KITLG: variants seen among roughly 807,000 people sequenced by gnomAD.
The protein encoded by KITLG is KIT ligand, also known as c-Kit ligand.
A neutral mutation model predicts 34.1 loss-of-function variants in KITLG; 13 were observed. The observed-to-expected ratio is 0.38, with a 90% CI of 0.25 to 0.61. The LOEUF (loss-of-function observed/expected upper bound fraction) is 0.61. Ranked by LOEUF, KITLG falls within the 20% of genes least tolerant of loss-of-function variation. The probability of loss-of-function intolerance (pLI) is 0.60; values close to 1 mark genes in which losing one functional copy is unlikely to be tolerated. For missense variants in KITLG, 292 were observed against 318.9 expected (o/e 0.92, Z 0.64); for synonymous variants, 110 against 104.0 (o/e 1.06, Z -0.35).
intron 1 of KITLG, among the ~76,000 whole-genome samples, chr12:88,553,531 C>T (rs1870995415): frequency 6.6e-6 from 1 of 152,076 alleles, no homozygotes; most frequent in Non-Finnish European, 1.5e-5. Flanking sequence ...CTCTCTAGGT[C>T]AAGCTCATTG....
intron 3 of KITLG, among the ~76,000 whole-genome samples, chr12:88,529,725 A>C (rs999461388): frequency 6.6e-6 from 1 of 152,114 alleles, no homozygotes; most frequent in Non-Finnish European, 1.5e-5. Context: ...GACTCTGACC[A>C]CTCGCAAATA....
At chr12:88,543,554 GA>G (rs1870597270) in intron 2 of KITLG, among the ~76,000 whole-genome samples, 1 of 152,004 alleles carries the variant, frequency 6.6e-6, no homozygotes. Context: ...TTGCTATTGT[GA>G]ATAGAGGTAC....
At chr12:88,528,595 C>T (rs142983025) in intron 3 of KITLG, among the ~76,000 whole-genome samples, 2 of 152,274 alleles carry the variant, frequency 1.3e-5, no homozygotes, top group East Asian at 3.9e-4. Context: ...TGCAAATGTA[C>T]TGTGTTTAGG....
chr12:88,573,883 G>A (rs1871738792), intron 1 of KITLG, among the ~76,000 whole-genome samples: 1 of 152,128 alleles, frequency 6.6e-6, no homozygotes, highest in South Asian at 2.1e-4. Flanking sequence ...GTGAGCAACA[G>A]ACAAAGTTTG....
In KITLG at chr12:88,516,341, A is replaced by C; in HGVS notation, c.513T>G (p.Pro171=). ...SDCVVSSTLS[P]EKDSRVSVTK... The stretch of plus-strand genomic sequence containing the variant: ...AATGCTTACATGTCTTACCTTTCTC[A>C]GGACTTAATGTTGAAGAAACCACAC... Residue 171 remains proline (P), a synonymous_variant, in exon 5 of 10, where the codon CCT becomes CCG. Transcript: ENST00000644744. 1.9e-6 allele frequency: 3 copies of C among 1,610,458 alleles called. No individual in the cohort carries two copies. Among genetic ancestry groups the C allele is most frequent in the Non-Finnish European group, 1.7e-6 (2 of 1,177,386 alleles).
rs1869606200 is a variant in KITLG at position 88,520,187 on chromosome 12, T to C, written c.193-1320A>G. Reference sequence around the variant, plus strand: ...GTCATAACCAAGTTCTCAAAGAATATGTGTTTCCAAAGTATGTGCAGAACA... The same window carrying C: ...GTCATAACCAAGTTCTCAAAGAATACGTGTTTCCAAAGTATGTGCAGAACA... On this transcript the variant is annotated intron_variant, in intron 3 of 9. Transcript: ENST00000644744. Among the ~76,000 whole-genome samples the C allele has an allele frequency of 2.0e-5, 3 of 152,304 alleles. No homozygotes were observed. In the South Asian group the frequency reaches 6.2e-4, roughly 32 times the overall value.
chr12:88,518,973 C>T, intron 3 of KITLG, 106 bp from the exon 4 acceptor site: 1 of 974,810 alleles, frequency 1.0e-6, no homozygotes, highest in Non-Finnish European at 1.6e-6. Flanking sequence ...AGTGATTCTC[C>T]TGCCTCAGCC....
At chr12:88,547,630 C>A (rs1312512725) in intron 1 of KITLG, among the ~76,000 whole-genome samples, 2 of 152,154 alleles carry the variant, frequency 1.3e-5, no homozygotes, top group Non-Finnish European at 2.9e-5. Context: ...AAGACGTAAC[C>A]TCCCTGGAAA....
At chr12:88,509,456 C>A (rs1335715772) in intron 6 of KITLG, among the ~76,000 whole-genome samples, 2 of 152,144 alleles carry the variant, frequency 1.3e-5, no homozygotes, top group South Asian at 2.1e-4. Flanking sequence ...GTGTGGGAGG[C>A]CTTACTAAAG....
chr12:88,505,295 A>G, intron 8 of KITLG, 60 bp from the exon 9 acceptor site: 9 of 1,343,222 alleles, frequency 6.7e-6, no homozygotes, highest in Non-Finnish European at 9.6e-6. Context: ...GAGGTACACC[A>G]TGATCTCGGC....
At chr12:88,506,882 G>A (rs1869084322) in intron 7 of KITLG, 146 bp downstream of exon 7, 1 of 618,274 alleles carries the variant, frequency 1.6e-6, no homozygotes, top group Non-Finnish European at 2.8e-6. Context: ...ATGAGAAACA[G>A]GAAACTTTAT....
chr12:88,555,738 G>A (rs6538154), intron 1 of KITLG, among the ~76,000 whole-genome samples: 100,637 of 152,048 alleles, frequency 0.66, 36,895 homozygotes, highest in Middle Eastern at 0.86. Context: ...AAAGCGATAA[G>A]TTGTTTCTTC....
intron 1 of KITLG, among the ~76,000 whole-genome samples, chr12:88,577,392 A>G (rs1871863753): frequency 6.6e-6 from 1 of 152,150 alleles, no homozygotes; most frequent in Non-Finnish European, 1.5e-5. Context: ...CTCACAAACC[A>G]TCCCCAAACT....
chr12:88,516,193 C>T (rs1171040588), intron 5 of KITLG, 141 bp downstream of exon 5: 1 of 719,068 alleles, frequency 1.4e-6, no homozygotes, highest in Admixed American at 2.0e-5. Flanking sequence ...TTAGTTTCTT[C>T]TGTGCTATTG....
rs1000256652 is a variant in KITLG, at chr12:88,493,047, A to G, written c.*4172T>C. The stretch of plus-strand genomic sequence containing the variant: ...CAAACTCCAATCTATGACTGAACTG[A>G]GGGTATATCTGCGCATCCATCTAAA... On this transcript the variant is annotated 3_prime_UTR_variant, in exon 10 of 10. Transcript: ENST00000644744. The G allele has an allele frequency of 6.6e-6, 1 of 152,312 alleles. No individual in the cohort carries two copies. Among genetic ancestry groups the G allele is most frequent in the African/African-American group, 2.4e-5 (1 of 41,408 alleles). The allele number at this position is 152,312 out of a possible 1,614,324, so 9.4% of individuals were successfully genotyped here. A position where few individuals can be genotyped will look rare whatever the true frequency, so the allele number is the denominator to read the frequency against.
At chr12:88,560,868 T>C (rs959953096) in intron 1 of KITLG, among the ~76,000 whole-genome samples, 2 of 147,042 alleles carry the variant, frequency 1.4e-5, no homozygotes, top group Non-Finnish European at 3.0e-5. Flanking sequence ...CCTGGGGGGC[T>C]GAGGCAGGAG....
chr12:88,526,863 CTTTTTTTTTTTTT>C lies in KITLG; in HGVS notation c.192+5565_192+5577del, dbSNP rs10532642. 7.5e-5 allele frequency among the ~76,000 whole-genome samples: 6 copies of C among 79,988 alleles called. No homozygotes were observed. In the East Asian group the frequency reaches 2.5e-3, roughly 33 times the overall value. The allele number at this position is 79,988 out of a possible 152,430, so 52.5% of individuals were successfully genotyped here. On this transcript the variant is annotated intron_variant, in intron 3 of 9. Transcript: ENST00000644744. The stretch of plus-strand genomic sequence containing the variant: ...TGGAAAGGTGCCAGATCAGTATAGT[CTTTTTTTTTTTTT>C]TTTTTTTTTTGAGACGGAGTCTCGC...
chr12:88,570,316 T>C (rs1205269304), intron 1 of KITLG, among the ~76,000 whole-genome samples: 1 of 152,032 alleles, frequency 6.6e-6, no homozygotes, highest in African/African-American at 2.4e-5. Flanking sequence ...GCTGGGGAGA[T>C]GGGTGGGAAA....
intron 1 of KITLG, among the ~76,000 whole-genome samples, chr12:88,562,567 G>C (rs1010777764): frequency 1.3e-5 from 2 of 152,198 alleles, no homozygotes. Flanking sequence ...GGAGGGTTTT[G>C]TTCATCAGTT....
Sources: allele counts gnomAD v4.1 joint callset (sites outside exome capture counted in the v4.1 genomes callset), GRCh38; gene constraint gnomAD v4.1.1; transcripts MANE v1.5; gene names NCBI Gene and HGNC (gene_info 2026-07-23, HGNC 2026-07-21).